The following GLP2R variants were observed in gnomAD, a reference collection of about 807,000 sequenced individuals.
GLP2R encodes glucagon-like peptide 2 receptor.
A neutral mutation model predicts 68.2 loss-of-function variants in GLP2R; 59 were observed. The observed-to-expected ratio is 0.87, with a 90% CI of 0.70 to 1.07. The LOEUF is 1.07. Among genes scored for constraint, GLP2R ranks in the 50% least tolerant of loss-of-function variants. GLP2R has a pLI of 0.00. For synonymous variants in GLP2R, 270 were observed against 265.4 expected (o/e 1.02, Z -0.17); for missense variants, 548 against 677.4 (o/e 0.81, Z 2.12).
At chr17:9,865,840 G>C in intron 9 of GLP2R, 1 of 471,182 alleles carries the variant, frequency 2.1e-6, no homozygotes, top group Non-Finnish European at 4.4e-6. Flanking sequence ...ACAGGCACTT[G>C]GACTAGAGGA....
At chr17:9,830,486 G>A (rs1000777288) in intron 1 of GLP2R, among the ~76,000 whole-genome samples, 3 of 152,164 alleles carry the variant, frequency 2.0e-5, no homozygotes, top group African/African-American at 4.8e-5. Context: ...CTCTTGGGCC[G>A]TAACTCAGAG....
At chr17:9,878,409 A>G (rs1044417499) in intron 10 of GLP2R, among the ~76,000 whole-genome samples, 2 of 152,238 alleles carry the variant, frequency 1.3e-5, no homozygotes, top group African/African-American at 4.8e-5. Flanking sequence ...ACCACTTTGT[A>G]ACCTCTGGGC....
rs752867499 is a variant in GLP2R, at chr17:9,833,759, C to T, written c.190-48C>T. 7.8e-5 allele frequency: 90 copies of T among 1,151,230 alleles called. No homozygotes were observed. The South Asian group carries it at 1.2e-3, about 15-fold the overall frequency. The allele number at this position is 1,151,230 out of a possible 1,614,324, so 71.3% of individuals were successfully genotyped here. On this transcript the variant is annotated intron_variant, in intron 1 of 12. Coordinates refer to ENST00000262441, the MANE Select transcript of GLP2R (RefSeq NM_004246.3). The stretch of plus-strand genomic sequence containing the variant: ...TCATGGTGTGAAGTGACAACAAGGC[C>T]ACATCTGTGCTTGGTCACTGGGGGT...
rs75408419 is a variant in GLP2R at position 9,833,466 on chromosome 17, C to T, written c.190-341C>T. Reference sequence around the variant, plus strand: ...TTGCGTCTTAGTGTGATGCGTCTCTCTTTGGGATCTACGTAGTCTTAGAAG... The same window carrying T: ...TTGCGTCTTAGTGTGATGCGTCTCTTTTTGGGATCTACGTAGTCTTAGAAG... On this transcript the variant is annotated intron_variant, in intron 1 of 12. Transcript: ENST00000262441. 3.3e-3 allele frequency among the ~76,000 whole-genome samples: 507 copies of T among 152,278 alleles called. 5 individuals are homozygous for T. Among genetic ancestry groups the T allele is most frequent in the African/African-American group, 0.011 (471 of 41,558 alleles).
chr17:9,889,783 C>G lies in GLP2R; in HGVS notation c.*78C>G. 1.2e-6 allele frequency: 1 copy of G among 838,438 alleles called. No individual in the cohort carries two copies. The highest frequency in any genetic ancestry group is 1.8e-6 in the Non-Finnish European group (1 of 541,344). 51.9% of individuals were successfully genotyped at this position (838,438 alleles called of 1,614,324 possible). On this transcript the variant is annotated 3_prime_UTR_variant, in exon 13 of 13. Coordinates refer to ENST00000262441, the MANE Select transcript of GLP2R (RefSeq NM_004246.3). ...GGAAGAGGAAGCAAAGCAGGACACA[C>G]GTTGCTGGGCACGGAATCATTCTCG...
At chr17:9,862,275 G>C (rs2066994123) in intron 9 of GLP2R, among the ~76,000 whole-genome samples, 185 bp downstream of exon 9, 1 of 152,168 alleles carries the variant, frequency 6.6e-6, no homozygotes, top group African/African-American at 2.4e-5. Context: ...TCAATTTGGA[G>C]TTACATTGTA....
intron 3 of GLP2R, among the ~76,000 whole-genome samples, chr17:9,837,591 G>A (rs1047050894): frequency 6.6e-6 from 1 of 152,128 alleles, no homozygotes; most frequent in Non-Finnish European, 1.5e-5. Context: ...AACTCCCATG[G>A]GACTTGGATG....
chr17:9,874,060 C>CA (rs1567735009), intron 10 of GLP2R, among the ~76,000 whole-genome samples: 1 of 151,850 alleles, frequency 6.6e-6, no homozygotes, highest in Non-Finnish European at 1.5e-5. Context: ...TAAGATAGAC[C>CA]AAAAAATAGA....
chr17:9,828,247 T>C (rs1428763352), intron 1 of GLP2R, among the ~76,000 whole-genome samples: 1 of 152,232 alleles, frequency 6.6e-6, no homozygotes, highest in African/African-American at 2.4e-5. Context: ...CATGGAATTC[T>C]TGCCATCTTG....
Position 9,890,335 on chromosome 17 carries a change from T to C in GLP2R, c.*630T>C, listed in dbSNP as rs1026956192. On this transcript the variant is annotated 3_prime_UTR_variant, in exon 13 of 13. Coordinates refer to ENST00000262441, the MANE Select transcript of GLP2R (RefSeq NM_004246.3). ...GTCTGCTCTCCCAGGTCAGCTGGGGTGTGCCTGCCCTCCTTGGAGAGTATG... is the reference window on the plus strand; with the variant it reads ...GTCTGCTCTCCCAGGTCAGCTGGGGCGTGCCTGCCCTCCTTGGAGAGTATG... 9.7e-6 allele frequency: 3 copies of C among 307,964 alleles called. No homozygotes were observed. Among genetic ancestry groups the C allele is most frequent in the African/African-American group, 2.2e-5 (1 of 45,402 alleles). 19.1% of individuals were successfully genotyped at this position (307,964 alleles called of 1,614,324 possible). A position where few individuals can be genotyped will look rare whatever the true frequency, so the allele number is the denominator to read the frequency against.
Position 9,889,400 on chromosome 17 carries a change from C to G in GLP2R, c.1357C>G (p.Arg453Gly), listed in dbSNP as rs777717769. The G allele has an allele frequency of 6.2e-7, 1 of 1,613,690 alleles. No homozygotes were observed. Among genetic ancestry groups the G allele is most frequent in the Admixed American group, 1.7e-5 (1 of 60,006 alleles). ...VKAELRKYWVRFLLARHSGCR... is the reference protein window; with the variant it reads ...VKAELRKYWVGFLLARHSGCR... The stretch of plus-strand genomic sequence containing the variant: ...GGCTGAGCTGCGGAAATACTGGGTC[C>G]GCTTCTTGCTAGCCCGCCACTCAGG... The change falls in exon 13 of 13, where the codon CGC becomes GGC. Residue 453 changes from arginine (R) to glycine (G), a missense_variant. By Grantham distance (125) the Arg-to-Gly change is moderately radical. Coordinates refer to ENST00000262441, the MANE Select transcript of GLP2R (RefSeq NM_004246.3).
At chr17:9,838,042 T>C (rs2066749790) in intron 3 of GLP2R, among the ~76,000 whole-genome samples, 2 of 152,170 alleles carry the variant, frequency 1.3e-5, no homozygotes, top group South Asian at 2.1e-4. Flanking sequence ...TGTTCTCTGA[T>C]GAAATCCAGT....
intron 4 of GLP2R, among the ~76,000 whole-genome samples, chr17:9,846,315 AAG>A (rs1225513633): frequency 6.6e-6 from 1 of 152,218 alleles, no homozygotes; most frequent in African/African-American, 2.4e-5. Flanking sequence ...ATACCACATA[AAG>A]TTTAATGTTT....
intron 9 of GLP2R, among the ~76,000 whole-genome samples, chr17:9,868,555 A>G (rs540813409): frequency 1.3e-5 from 2 of 152,282 alleles, no homozygotes; most frequent in East Asian, 3.9e-4. Flanking sequence ...GTCCTCACTC[A>G]GCCCCTTTCC....
chr17:9,887,887 C>T (rs747970813), intron 11 of GLP2R, 45 bp from the exon 12 acceptor site: 3 of 1,486,582 alleles, frequency 2.0e-6, no homozygotes, highest in African/African-American at 2.8e-5. Context: ...TCAGACACAT[C>T]TTCTCCGGAG....
In GLP2R at chr17:9,890,754, A is replaced by C. The variant is rs1217821585; in HGVS notation, c.*1049A>C. 1 of 152,266 alleles carries C rather than the reference A, an allele frequency of 6.6e-6. No homozygotes were observed. Among genetic ancestry groups the C allele is most frequent in the Admixed American group, 6.5e-5 (1 of 15,288 alleles). The allele number at this position is 152,266 out of a possible 1,614,324, so 9.4% of individuals were successfully genotyped here. On this transcript the variant is annotated 3_prime_UTR_variant, in exon 13 of 13. Coordinates refer to ENST00000262441, the MANE Select transcript of GLP2R (RefSeq NM_004246.3). ...TTTGCCCAGTGGGAATAAATACTGA[A>C]AGCAGGAGGGCCCAGGTAAAGCAAT...
At chr17:9,863,672 G>C (rs1016250105) in intron 9 of GLP2R, among the ~76,000 whole-genome samples, 3 of 152,134 alleles carry the variant, frequency 2.0e-5, no homozygotes, top group Non-Finnish European at 4.4e-5. Context: ...TTCAAGTCTT[G>C]GGTCAGGCAT....
At chr17:9,860,156 C>G in intron 7 of GLP2R, 55 bp downstream of exon 7, 2 of 1,463,666 alleles carry the variant, frequency 1.4e-6, no homozygotes, top group Non-Finnish European at 1.8e-6. Context: ...AATATGGGAG[C>G]CTGATAGAGA....
chr17:9,885,631 G>T (rs1251570952), intron 11 of GLP2R, among the ~76,000 whole-genome samples: 2 of 151,900 alleles, frequency 1.3e-5, no homozygotes, highest in African/African-American at 2.4e-5. Context: ...GGACTCTCAG[G>T]ACCTTCCTCC....
Sources: gnomAD v4.1 joint callset for allele counts (sites outside exome capture counted in the v4.1 genomes callset) on GRCh38, gnomAD v4.1.1 for gene constraint, MANE v1.5 for transcripts, NCBI Gene and HGNC (gene_info 2026-07-23, HGNC 2026-07-21) for gene names.